Variants in EPM2A observed in about 807,000 individuals in gnomAD.
The protein encoded by EPM2A is laforin.
A neutral mutation model predicts 26.5 loss-of-function variants in EPM2A; 21 were observed. The observed-to-expected ratio is 0.79, with a 90% CI of 0.56 to 1.14. The LOEUF (loss-of-function observed/expected upper bound fraction) is 1.14, where lower values mean the gene tolerates loss of function less well. EPM2A is among the 50% of genes most tolerant of loss of function. The probability of loss-of-function intolerance (pLI) is 0.00; values close to 1 mark genes in which losing one functional copy is unlikely to be tolerated. For synonymous variants in EPM2A, 217 were observed against 177.6 expected (o/e 1.22, Z -1.76); for missense variants, 458 against 440.8 (o/e 1.04, Z -0.35).
chr6:145,667,464 G>A (rs1289325232), intron 2 of EPM2A, among the ~76,000 whole-genome samples: 1 of 148,462 alleles, frequency 6.7e-6, no homozygotes, highest in African/African-American at 2.6e-5. Context: ...ACCACAATGA[G>A]ATATTATCTC....
intron 2 of EPM2A, among the ~76,000 whole-genome samples, chr6:145,663,387 G>A (rs1034135805): frequency 2.6e-5 from 4 of 152,232 alleles, no homozygotes; most frequent in Non-Finnish European, 4.4e-5. Flanking sequence ...AGTGGGCACA[G>A]GCCAGTGGGT....
intron 1 of EPM2A, among the ~76,000 whole-genome samples, chr6:145,697,103 C>A (rs375495218): frequency 2.6e-4 from 39 of 152,158 alleles, no homozygotes; most frequent in African/African-American, 7.9e-4. Context: ...GGGCAAAATT[C>A]ACCCCCGATA....
intron 1 of EPM2A, 47 bp from the exon 2 acceptor site, chr6:145,686,343 GT>G: frequency 6.8e-7 from 1 of 1,475,514 alleles, no homozygotes; most frequent in Non-Finnish European, 9.5e-7. Flanking sequence ...TCAGTGTTTT[GT>G]TTAAATATCC....
intron 2 of EPM2A, among the ~76,000 whole-genome samples, chr6:145,524,226 G>C (rs1780240901): frequency 6.6e-6 from 1 of 152,130 alleles, no homozygotes; most frequent in African/African-American, 2.4e-5. Context: ...TGCTATAGTG[G>C]ATAGTGCTGC....
chr6:145,427,781 C>T (rs1272364228), intron 4 of EPM2A, among the ~76,000 whole-genome samples: 1 of 152,054 alleles, frequency 6.6e-6, no homozygotes, highest in Non-Finnish European at 1.5e-5. Flanking sequence ...CAAAGCTTTT[C>T]ATTTGAATAT....
At chr6:145,558,792 A>G (rs1780767264) in intron 2 of EPM2A, among the ~76,000 whole-genome samples, 1 of 150,094 alleles carries the variant, frequency 6.7e-6, no homozygotes, top group Non-Finnish European at 1.5e-5. Flanking sequence ...TAGATACGGT[A>G]ACTGCTTAAA....
chr6:145,690,400 C>T (rs1341973298), intron 1 of EPM2A, among the ~76,000 whole-genome samples: 1 of 151,162 alleles, frequency 6.6e-6, no homozygotes, highest in Non-Finnish European at 1.5e-5. Context: ...GTCCCAGCTA[C>T]TCGGGAGGCT....
At chr6:145,531,586 A>C (rs939073046) in intron 2 of EPM2A, among the ~76,000 whole-genome samples, 1 of 152,172 alleles carries the variant, frequency 6.6e-6, no homozygotes, top group Non-Finnish European at 1.5e-5. Flanking sequence ...GGGCAAGAGG[A>C]TATGCTTGTG....
chr6:145,455,398 C>T (rs1340180341), intron 4 of EPM2A, among the ~76,000 whole-genome samples: 1 of 152,104 alleles, frequency 6.6e-6, no homozygotes, highest in African/African-American at 2.4e-5. Flanking sequence ...CACTCTGTTG[C>T]CCAGGCTAGA....
At chr6:145,407,365 A>ACTC (rs751901488) in intron 4 of EPM2A, among the ~76,000 whole-genome samples, 1 of 151,942 alleles carries the variant, frequency 6.6e-6, no homozygotes, top group African/African-American at 2.4e-5. Context: ...CAACTAAGAG[A>ACTC]CTCCTGTCAG....
At position 145,625,856 on chromosome 6, in the gene EPM2A, C is replaced by G; in HGVS notation, c.*1560G>C. The stretch of plus-strand genomic sequence containing the variant: ...CTAAATAAGAGTCTCTTGCATCTAT[C>G]AATATGTGTTTGTGGAAGAAAGGAA... On this transcript the variant is annotated 3_prime_UTR_variant, in exon 4 of 4. Coordinates refer to ENST00000367519, the MANE Select transcript of EPM2A (RefSeq NM_005670.4). The G allele has an allele frequency of 6.6e-7, 1 of 1,520,868 alleles. No individual in the cohort carries two copies. Among genetic ancestry groups the G allele is most frequent in the Non-Finnish European group, 8.8e-7 (1 of 1,130,880 alleles). The allele number at this position is 1,520,868 out of a possible 1,614,324, so 94.2% of individuals were successfully genotyped here.
chr6:145,700,500 AT>A (rs1781851551), intron 1 of EPM2A, among the ~76,000 whole-genome samples: 1 of 152,014 alleles, frequency 6.6e-6, no homozygotes, highest in Admixed American at 6.6e-5. Flanking sequence ...GTATAAGCAA[AT>A]TTTTCTAACC....
intron 4 of EPM2A, among the ~76,000 whole-genome samples, chr6:145,397,202 A>T (rs572813674): frequency 2.8e-4 from 42 of 152,274 alleles, no homozygotes; most frequent in African/African-American, 9.6e-4. Context: ...AGGTCAAGAC[A>T]GGAGGATAGC....
intron 2 of EPM2A, among the ~76,000 whole-genome samples, chr6:145,596,366 T>C (rs1781343443): frequency 6.6e-6 from 1 of 152,210 alleles, no homozygotes; most frequent in Non-Finnish European, 1.5e-5. Context: ...TCCAGATCTC[T>C]AAACAATATG....
rs189235538 is a variant in EPM2A, at chr6:145,672,603, C to T, written c.476+13519G>A. On this transcript the variant is annotated intron_variant, in intron 2 of 3. Coordinates refer to ENST00000367519, the MANE Select transcript of EPM2A (RefSeq NM_005670.4). ...GCCAGATTCACTTTTACACTCTCCT[C>T]AGCTGGGAAACTTTCCCTCCCCAGT... Among the ~76,000 whole-genome samples the T allele has an allele frequency of 1.1e-3, 167 of 152,350 alleles. 1 individual carries two copies. The highest frequency in any genetic ancestry group is 3.9e-3 in the African/African-American group (161 of 41,586).
At position 145,668,929 on chromosome 6, in the gene EPM2A, T is replaced by C. The variant is rs191896222; in HGVS notation, c.476+17193A>G. On this transcript the variant is annotated intron_variant, in intron 2 of 3. Coordinates refer to ENST00000367519, the MANE Select transcript of EPM2A (RefSeq NM_005670.4). ...TGGATAGAAAATAATTCTTTCATTATACAAGGGAGAGCCTGTACAAGTAGA... is the reference window on the plus strand; with the variant it reads ...TGGATAGAAAATAATTCTTTCATTACACAAGGGAGAGCCTGTACAAGTAGA... 2.2e-4 allele frequency among the ~76,000 whole-genome samples: 33 copies of C among 152,310 alleles called. No homozygotes were observed. In the East Asian group the frequency reaches 3.1e-3, roughly 14 times the overall value.
At chr6:145,647,293 TA>T (rs1310098441) in intron 2 of EPM2A, among the ~76,000 whole-genome samples, 3 of 152,172 alleles carry the variant, frequency 2.0e-5, no homozygotes, top group African/African-American at 7.2e-5. Context: ...GTAATTTTCC[TA>T]AAGAGCCATG....
At chr6:145,542,913 T>C (rs1324695571) in intron 2 of EPM2A, among the ~76,000 whole-genome samples, 3 of 152,024 alleles carry the variant, frequency 2.0e-5, no homozygotes. Flanking sequence ...CACTTGCCAC[T>C]ACTCCCAGCT....
chr6:145,531,598 C>A (rs1780356113), intron 2 of EPM2A, among the ~76,000 whole-genome samples: 1 of 152,130 alleles, frequency 6.6e-6, no homozygotes, highest in African/African-American at 2.4e-5. Flanking sequence ...ATGCTTGTGT[C>A]CACACGCCCT....
Sources: gnomAD v4.1 joint callset for allele counts (sites outside exome capture counted in the v4.1 genomes callset) on GRCh38, gnomAD v4.1.1 for gene constraint, MANE v1.5 for transcripts, NCBI Gene and HGNC (gene_info 2026-07-23, HGNC 2026-07-21) for gene names.